The following DLG2 variants were observed in gnomAD, a reference collection of about 807,000 sequenced individuals.
DLG2 encodes the protein discs large MAGUK scaffold protein 2, also known as disks large homolog 2.
A neutral mutation model predicts 132.5 loss-of-function variants in DLG2; 45 were observed. The observed-to-expected ratio is 0.34, with a 90% confidence interval of 0.27 to 0.44. The LOEUF is 0.44. DLG2 is among the 20% of genes least tolerant of loss of function. The pLI, the probability that DLG2 is intolerant of heterozygous loss-of-function variation, is 1.00. For synonymous variants in DLG2, 424 were observed against 419.6 expected, an observed-to-expected ratio of 1.01 and a Z score of -0.13; for missense variants, 1,045 against 1,196.9, an observed-to-expected ratio of 0.87 and a Z score of 1.87.
chr11:84,880,720 G>A (rs1393811406), intron 6 of DLG2, among the ~76,000 whole-genome samples: 1 of 151,974 alleles, frequency 6.6e-6, no homozygotes, highest in Non-Finnish European at 1.5e-5. Flanking sequence ...TTTAAACTTT[G>A]GCATTTTTGT....
chr11:83,872,827 G>A (rs1307057015), intron 16 of DLG2, among the ~76,000 whole-genome samples: 1 of 152,144 alleles, frequency 6.6e-6, no homozygotes, highest in African/African-American at 2.4e-5. Flanking sequence ...GCCAAGAGAG[G>A]TCTTCAAAAG....
rs60254633 is a variant in DLG2, at chr11:84,788,465, G to A, written c.358-253734C>T. Among the ~76,000 whole-genome samples the A allele has an allele frequency of 5.1e-3, 772 of 152,026 alleles. 8 individuals carry two copies. Among genetic ancestry groups the A allele is most frequent in the African/African-American group, 0.018 (742 of 41,480 alleles). ...TCAGGGTAATAAAATGCATGCCTGT[G>A]GTCCTGAGTCATTCTCCACATACAT... is the stretch of plus-strand genomic sequence containing the variant. On this transcript the variant is annotated intron_variant, in intron 6 of 27. Coordinates refer to ENST00000376104, the MANE Select transcript of DLG2 (RefSeq NM_001142699.3).
intron 7 of DLG2, among the ~76,000 whole-genome samples, chr11:84,497,792 C>T (rs941880710): frequency 2.6e-5 from 4 of 152,152 alleles, no homozygotes; most frequent in African/African-American, 9.7e-5. Flanking sequence ...GTTATACCTC[C>T]ACTGAATGTC....
At chr11:83,850,365 G>A (rs1297874779) in intron 16 of DLG2, among the ~76,000 whole-genome samples, 2 of 152,112 alleles carry the variant, frequency 1.3e-5, no homozygotes, top group Non-Finnish European at 2.9e-5. Flanking sequence ...GTGTTAGCCA[G>A]GATGGTCTTG....
intron 15 of DLG2, among the ~76,000 whole-genome samples, chr11:83,910,684 C>T (rs2075880241): frequency 6.6e-6 from 1 of 152,062 alleles, no homozygotes; most frequent in Admixed American, 6.6e-5. Flanking sequence ...ATTATTAATA[C>T]TTTAAAAACT....
At chr11:85,187,142 A>T (rs2080170911) in intron 4 of DLG2, among the ~76,000 whole-genome samples, 1 of 152,160 alleles carries the variant, frequency 6.6e-6, no homozygotes, top group Non-Finnish European at 1.5e-5. Context: ...CTCAGTGGCA[A>T]TACTGAATAT....
intron 7 of DLG2, among the ~76,000 whole-genome samples, chr11:84,489,416 T>C (rs2099158912): frequency 6.6e-6 from 1 of 152,084 alleles, no homozygotes; most frequent in Non-Finnish European, 1.5e-5. Context: ...CTGAAATATA[T>C]CCCACTAAAC....
intron 6 of DLG2, among the ~76,000 whole-genome samples, chr11:84,927,998 TGAA>T (rs1287849183): frequency 3.9e-5 from 6 of 151,904 alleles, no homozygotes; most frequent in Non-Finnish European, 8.8e-5. Flanking sequence ...ATCACTGCTC[TGAA>T]GAAAGAGAGG....
At chr11:84,240,401 A>T (rs537275025) in intron 8 of DLG2, among the ~76,000 whole-genome samples, 3 of 152,356 alleles carry the variant, frequency 2.0e-5, no homozygotes, top group Admixed American at 2.0e-4. Flanking sequence ...TAAAGAATAC[A>T]ATATGCAAGG....
intron 22 of DLG2, 53 bp downstream of exon 22, chr11:83,484,076 G>A: frequency 1.3e-6 from 2 of 1,482,342 alleles, no homozygotes; most frequent in Non-Finnish European, 1.9e-6. Flanking sequence ...TGTTGCCTGT[G>A]AATTTTTTTT....
intron 3 of DLG2, among the ~76,000 whole-genome samples, chr11:85,361,032 ATCT>A (rs552228814): frequency 9.8e-5 from 15 of 152,304 alleles, no homozygotes; most frequent in East Asian, 7.7e-4. Flanking sequence ...AAAAAATAAA[ATCT>A]TCTTCTTTTT....
chr11:85,027,855 C>G (rs1379001271), intron 6 of DLG2, among the ~76,000 whole-genome samples: 2 of 152,334 alleles, frequency 1.3e-5, no homozygotes, highest in East Asian at 3.9e-4. Context: ...TGAAGGGCTG[C>G]AGCTCTTCTC....
intron 3 of DLG2, among the ~76,000 whole-genome samples, chr11:85,486,241 G>T (rs77691835): frequency 0.01 from 1,547 of 152,018 alleles, 12 homozygotes; most frequent in Non-Finnish European, 0.018. Flanking sequence ...AGTTCCCACT[G>T]CCCTGTGTGG....
intron 9 of DLG2, among the ~76,000 whole-genome samples, chr11:84,159,169 C>G (rs943737608): frequency 6.6e-6 from 1 of 152,118 alleles, no homozygotes; most frequent in Admixed American, 6.5e-5. Flanking sequence ...TGAGTATACA[C>G]TAAATTTCAG....
chr11:84,538,249 T>C (rs904083516), intron 6 of DLG2, among the ~76,000 whole-genome samples: 2 of 152,150 alleles, frequency 1.3e-5, no homozygotes, highest in East Asian at 1.9e-4. Context: ...AGGCACAACA[T>C]GTGAAGAGAC....
chr11:83,814,104 T>C (rs1212839988), intron 17 of DLG2, among the ~76,000 whole-genome samples: 1 of 152,156 alleles, frequency 6.6e-6, no homozygotes, highest in Non-Finnish European at 1.5e-5. Flanking sequence ...AAAAAAATAT[T>C]AGAACGTATT....
At chr11:83,823,215 T>G (rs967571844) in intron 17 of DLG2, among the ~76,000 whole-genome samples, 16 of 152,266 alleles carry the variant, frequency 1.1e-4, no homozygotes, top group African/African-American at 3.9e-4. Flanking sequence ...AAGTCGATGA[T>G]CACTCCTTCT....
chr11:84,892,423 A>G (rs1241652105), intron 6 of DLG2, among the ~76,000 whole-genome samples: 1 of 152,122 alleles, frequency 6.6e-6, no homozygotes, highest in Non-Finnish European at 1.5e-5. Flanking sequence ...AAAAGGCTTT[A>G]TCTGTTTTAT....
chr11:85,345,217 C>T (rs2082749310), intron 3 of DLG2, among the ~76,000 whole-genome samples: 1 of 152,078 alleles, frequency 6.6e-6, no homozygotes, highest in Non-Finnish European at 1.5e-5. Context: ...TTGGAAGTTG[C>T]ATAAGGATCA....
Sources: gnomAD v4.1 joint callset for allele counts (sites outside exome capture counted in the v4.1 genomes callset) on GRCh38, gnomAD v4.1.1 for gene constraint, MANE v1.5 for transcripts, NCBI Gene and HGNC (gene_info 2026-07-23, HGNC 2026-07-21) for gene names.